The following CRPPA variants were observed in gnomAD, a reference collection of about 807,000 sequenced individuals.
The protein encoded by CRPPA is D-ribitol-5-phosphate cytidylyltransferase.
In CRPPA, 43 loss-of-function variants were observed where a neutral mutation model predicts 52.0. That is an observed-to-expected ratio of 0.83 (90% confidence interval 0.65 to 1.07). The LOEUF (loss-of-function observed/expected upper bound fraction) is 1.07, where lower values mean the gene tolerates loss of function less well. CRPPA is among the 50% of genes least tolerant of loss of function. CRPPA has a pLI of 0.00. For synonymous variants in CRPPA, 250 were observed against 203.5 expected (o/e 1.23, Z -1.94); for missense variants, 629 against 551.7 (o/e 1.14, Z -1.40).
chr7:16,331,340 G>A (rs1785549045), intron 3 of CRPPA, among the ~76,000 whole-genome samples: 1 of 152,062 alleles, frequency 6.6e-6, no homozygotes, highest in African/African-American at 2.4e-5. Context: ...AATACACTGT[G>A]ATCTAATCAT....
chr7:16,286,010 A>G, intron 5 of CRPPA, among the ~76,000 whole-genome samples: 1 of 99,758 alleles, frequency 1.0e-5, no homozygotes, highest in African/African-American at 4.2e-5. Flanking sequence ...GTAAGAGTGA[A>G]ACTCCATCTC....
intron 9 of CRPPA, among the ~76,000 whole-genome samples, chr7:16,194,644 T>G: frequency 6.6e-6 from 1 of 152,168 alleles, no homozygotes; most frequent in East Asian, 1.9e-4. Flanking sequence ...CTGTATTGCT[T>G]TAATGGTAAG....
chr7:16,232,853 T>A (rs145819027), intron 8 of CRPPA, among the ~76,000 whole-genome samples: 1 of 152,102 alleles, frequency 6.6e-6, no homozygotes, highest in South Asian at 2.1e-4. Context: ...GCAGAAAATA[T>A]GGCCGATTAT....
intron 5 of CRPPA, among the ~76,000 whole-genome samples, chr7:16,298,828 A>C (rs574224116): frequency 6.6e-6 from 1 of 152,316 alleles, no homozygotes; most frequent in Admixed American, 6.5e-5. Context: ...CCTGAACAGA[A>C]CAAAAAGGCA....
At chr7:16,210,945 T>C (rs1054518729) in intron 9 of CRPPA, among the ~76,000 whole-genome samples, 3 of 151,984 alleles carry the variant, frequency 2.0e-5, no homozygotes, top group Non-Finnish European at 4.4e-5. Context: ...AACAATCTAC[T>C]GTACATTTCA....
chr7:16,414,350 AACAC>A (rs3085030), intron 1 of CRPPA, among the ~76,000 whole-genome samples: 4,551 of 138,590 alleles, frequency 0.033, 83 homozygotes, highest in Middle Eastern at 0.056. Flanking sequence ...CCCCTACCCC[AACAC>A]ACACACACAC....
chr7:16,322,181 T>C (rs989065610), intron 3 of CRPPA, among the ~76,000 whole-genome samples: 11 of 152,144 alleles, frequency 7.2e-5, no homozygotes, highest in Non-Finnish European at 1.5e-5. Flanking sequence ...CCAAATCTAA[T>C]ATACGTAATA....
chr7:16,236,054 G>A (rs954779024), intron 8 of CRPPA: 1 of 151,916 alleles, frequency 6.6e-6, no homozygotes, highest in African/African-American at 2.4e-5. Context: ...TTGCTGGGAG[G>A]GCTCTGGAAA....
chr7:16,183,176 TG>T (rs760563718), intron 9 of CRPPA, among the ~76,000 whole-genome samples: 4 of 152,086 alleles, frequency 2.6e-5, no homozygotes, highest in Non-Finnish European at 4.4e-5. Context: ...ATAGGAATAA[TG>T]GCAAAAACAA....
intron 8 of CRPPA, among the ~76,000 whole-genome samples, chr7:16,254,835 AAGAAAGAAAG>A (rs1562588821): frequency 6.8e-6 from 1 of 148,142 alleles, no homozygotes; most frequent in African/African-American, 2.5e-5. Context: ...GAAAGAAAGA[AAGAAAGAAAG>A]AGAAAGAAGA....
intron 2 of CRPPA, among the ~76,000 whole-genome samples, chr7:16,395,871 T>A (rs567737105): frequency 1.3e-5 from 2 of 152,338 alleles, no homozygotes; most frequent in African/African-American, 4.8e-5. Flanking sequence ...AACGGAAACA[T>A]AGAAGTGGGT....
In CRPPA at chr7:16,389,922, AAAAAAAATATATATAT is replaced by A. The variant is rs1282367895; in HGVS notation, c.535-13697_535-13682del. 4.8e-5 allele frequency among the ~76,000 whole-genome samples: 3 copies of A among 62,260 alleles called. 1 individual carries two copies. The highest frequency in any genetic ancestry group is 2.1e-4 in the African/African-American group (3 of 14,224). 40.8% of individuals were successfully genotyped at this position (62,260 alleles called of 152,430 possible). A position where few individuals can be genotyped will look rare whatever the true frequency, so the allele number is the denominator to read the frequency against. On this transcript the variant is annotated intron_variant, in intron 2 of 9. Coordinates refer to ENST00000407010, the MANE Select transcript of CRPPA (RefSeq NM_001101426.4). ...GAACAAGCCTAGTATACAAAAAAAA[AAAAAAAATATATATAT>A]ATATATATATATATATATATCAGTT...
At chr7:16,260,266 T>C (rs1783759856) in intron 6 of CRPPA, among the ~76,000 whole-genome samples, 1 of 151,994 alleles carries the variant, frequency 6.6e-6, no homozygotes, top group African/African-American at 2.4e-5. Context: ...AGATATTTCT[T>C]CCTAGAACAG....
intron 8 of CRPPA, among the ~76,000 whole-genome samples, chr7:16,249,530 G>A (rs1157357027): frequency 6.6e-6 from 1 of 152,172 alleles, no homozygotes; most frequent in African/African-American, 2.4e-5. Flanking sequence ...TCCAGAGGAA[G>A]GATCAGACAG....
At chr7:16,410,905 C>T (rs757345368) in intron 1 of CRPPA, among the ~76,000 whole-genome samples, 4 of 152,194 alleles carry the variant, frequency 2.6e-5, no homozygotes, top group Non-Finnish European at 5.9e-5. Flanking sequence ...GAAGCTTTCC[C>T]TGACTGCCAT....
chr7:16,377,863 G>A (rs1163528807), intron 2 of CRPPA, among the ~76,000 whole-genome samples: 2 of 152,090 alleles, frequency 1.3e-5, no homozygotes, highest in Non-Finnish European at 2.9e-5. Flanking sequence ...GTGTGGACAC[G>A]AGGTTGAGGC....
At chr7:16,176,983 T>C (rs922917359) in intron 9 of CRPPA, among the ~76,000 whole-genome samples, 1 of 152,150 alleles carries the variant, frequency 6.6e-6, no homozygotes, top group African/African-American at 2.4e-5. Context: ...GAAAAACCTA[T>C]TGATATACGC....
At chr7:16,311,492 G>T (rs1785033414) in intron 3 of CRPPA, among the ~76,000 whole-genome samples, 1 of 151,762 alleles carries the variant, frequency 6.6e-6, no homozygotes, top group Non-Finnish European at 1.5e-5. Context: ...TTTCCCTTTT[G>T]GTGACTTTAT....
At chr7:16,232,759 CATATTT>C (rs1243319976) in intron 8 of CRPPA, among the ~76,000 whole-genome samples, 1 of 152,062 alleles carries the variant, frequency 6.6e-6, no homozygotes, top group African/African-American at 2.4e-5. Flanking sequence ...GAACAAAGCT[CATATTT>C]ATAAGAATAC....
Sources: allele counts gnomAD v4.1 joint callset (sites outside exome capture counted in the v4.1 genomes callset), GRCh38; gene constraint gnomAD v4.1.1; transcripts MANE v1.5; gene names NCBI Gene and HGNC (gene_info 2026-07-23, HGNC 2026-07-21).